Variants in C2orf76 observed in about 807,000 individuals in gnomAD.
C2orf76 encodes the protein chromosome 2 open reading frame 76, also known as UPF0538 protein C2orf76.
In C2orf76, 23 loss-of-function variants were observed where a neutral mutation model predicts 16.9. That is an observed-to-expected ratio of 1.36 (90% CI 0.98 to 1.93). The LOEUF is 1.93. Among genes scored for constraint, C2orf76 ranks in the 30% most tolerant of loss-of-function variants. The pLI is 0.00. For synonymous variants in C2orf76, 48 were observed against 52.3 expected (o/e 0.92, Z 0.35); for missense variants, 152 against 152.6 (o/e 1.00, Z 0.02).
Position 119,311,691 on chromosome 2 carries a change from C to A in C2orf76, c.235G>T (p.Val79Leu). Residue 79 changes from valine to leucine, a missense_variant, in exon 5 of 6, where the codon GTG (valine) becomes TTG (leucine). Transcript: ENST00000334816. Reference protein sequence around the residue: ...QAHKSKTNELVLSLEDDERLL... With the variant: ...QAHKSKTNELLLSLEDDERLL... ...CTTTCGTCATCTTCCAAACTCAACA[C>A]AAGTTCATTTGTCTAAAAAAAAAAA... The A allele has an allele frequency of 6.2e-7, 1 of 1,606,262 alleles. No individual in the cohort carries two copies. The highest frequency in any genetic ancestry group is 8.5e-7 in the Non-Finnish European group (1 of 1,178,844).
chr2:119,347,070 C>T (rs999098014), intron 1 of C2orf76, among the ~76,000 whole-genome samples: 22 of 152,066 alleles, frequency 1.4e-4, no homozygotes, highest in African/African-American at 5.1e-4. Flanking sequence ...GTGTTAAAAC[C>T]ATCAGGTAAG....
intron 2 of C2orf76, among the ~76,000 whole-genome samples, chr2:119,337,607 C>T (rs1679891265): frequency 6.6e-6 from 1 of 152,172 alleles, no homozygotes. Flanking sequence ...CTGTGGCCCA[C>T]CAACCTTTCA....
At position 119,315,454 on chromosome 2, in the gene C2orf76, C is replaced by A. The variant is rs186806061; in HGVS notation, c.222+2012G>T. 5.7e-3 allele frequency among the ~76,000 whole-genome samples: 866 copies of A among 152,228 alleles called. 6 individuals are homozygous for A. Among genetic ancestry groups the A allele is most frequent in the Admixed American group, 0.013 (201 of 15,284 alleles). On this transcript the variant is annotated intron_variant, in intron 4 of 5. Coordinates refer to ENST00000334816, the MANE Select transcript of C2orf76 (RefSeq NM_001322331.2). ...TTGGAACACTAACAGGCCAAGCCAG[C>A]AATGCCACAGGCCCCGCAGATGGGG...
chr2:119,331,691 A>G (rs1016882396), intron 2 of C2orf76, among the ~76,000 whole-genome samples: 2 of 152,196 alleles, frequency 1.3e-5, no homozygotes, highest in African/African-American at 4.8e-5. Flanking sequence ...GCACAATCAT[A>G]GGGGTCACCA....
intron 4 of C2orf76, among the ~76,000 whole-genome samples, chr2:119,316,748 A>C (rs1210784273): frequency 6.6e-6 from 1 of 152,258 alleles, no homozygotes; most frequent in African/African-American, 2.4e-5. Context: ...CTTATTCTTG[A>C]GTAGTTTATA....
At chr2:119,363,791 C>G (rs1361996158) in intron 1 of C2orf76, among the ~76,000 whole-genome samples, 1 of 152,094 alleles carries the variant, frequency 6.6e-6, no homozygotes, top group Admixed American at 6.5e-5. Flanking sequence ...CCTGGGAGGT[C>G]GAGGCAGAGG....
chr2:119,304,557 A>C (rs908069153), intron 5 of C2orf76, among the ~76,000 whole-genome samples: 25 of 152,220 alleles, frequency 1.6e-4, no homozygotes, highest in African/African-American at 6.0e-4. Flanking sequence ...TCTGCAGTGT[A>C]AAGATTTTAT....
chr2:119,357,248 TACTAAA>T (rs775855634), intron 1 of C2orf76, among the ~76,000 whole-genome samples: 1 of 146,358 alleles, frequency 6.8e-6, no homozygotes, highest in Non-Finnish European at 1.5e-5. Flanking sequence ...ACAAAGCCAT[TACTAAA>T]AAAAAGACAA....
chr2:119,302,659 C>A, intron 5 of C2orf76, 111 bp from the exon 6 acceptor site: 1 of 496,818 alleles, frequency 2.0e-6, no homozygotes. Context: ...CTTCAGATGC[C>A]CAAAGTGAAA....
intron 1 of C2orf76, among the ~76,000 whole-genome samples, chr2:119,346,888 T>C (rs546364308): frequency 6.6e-6 from 1 of 152,342 alleles, no homozygotes; most frequent in Admixed American, 6.5e-5. Context: ...AAAATTGGAC[T>C]ATACTCAAGC....
the C2orf76 span, among the ~76,000 whole-genome samples, chr2:119,296,069 T>A: frequency 1.3e-5 from 2 of 152,198 alleles, no homozygotes; most frequent in Admixed American, 1.3e-4. Flanking sequence ...ATTCATTGAA[T>A]AAATATATCT....
upstream of C2orf76, chr2:119,366,896 A>C: frequency 1.0e-6 from 1 of 966,098 alleles, no homozygotes. Context: ...CCCCTAGCGC[A>C]TAGCTGGCTT....
the C2orf76 span, among the ~76,000 whole-genome samples, chr2:119,294,001 A>C: frequency 3.3e-5 from 5 of 152,136 alleles, no homozygotes; most frequent in African/African-American, 1.2e-4. Flanking sequence ...TGGGCTGTGG[A>C]CTGAAATCCG....
intron 4 of C2orf76, among the ~76,000 whole-genome samples, chr2:119,313,160 A>T (rs897084631): frequency 6.6e-6 from 1 of 152,168 alleles, no homozygotes; most frequent in Non-Finnish European, 1.5e-5. Flanking sequence ...TACAGCTGAG[A>T]CAGAGAGTCA....
At chr2:119,309,118 C>T (rs1678892705) in intron 5 of C2orf76, among the ~76,000 whole-genome samples, 2 of 152,130 alleles carry the variant, frequency 1.3e-5, no homozygotes, top group South Asian at 4.1e-4. Flanking sequence ...ATCTAGAGCT[C>T]CTGGCCTCAG....
chr2:119,304,691 T>G (rs1381556808), intron 5 of C2orf76, among the ~76,000 whole-genome samples: 1 of 152,234 alleles, frequency 6.6e-6, no homozygotes, highest in Non-Finnish European at 1.5e-5. Flanking sequence ...AATTAAAATT[T>G]ACTCCAAACA....
intron 1 of C2orf76, among the ~76,000 whole-genome samples, chr2:119,364,417 A>C (rs1680858648): frequency 6.6e-6 from 1 of 152,232 alleles, no homozygotes; most frequent in African/African-American, 2.4e-5. Flanking sequence ...CTTGCACCAG[A>C]GTTCATCTAC....
intron 2 of C2orf76, among the ~76,000 whole-genome samples, chr2:119,332,837 C>T (rs1381475743): frequency 6.6e-6 from 1 of 152,150 alleles, no homozygotes; most frequent in South Asian, 2.1e-4. Context: ...CTCAAGCAAT[C>T]CTCCCATCTC....
At chr2:119,294,574 C>T in the C2orf76 span, among the ~76,000 whole-genome samples, 1 of 152,090 alleles carries the variant, frequency 6.6e-6, no homozygotes, top group Non-Finnish European at 1.5e-5. Flanking sequence ...CTCGCCCACC[C>T]ACACAGGAAG....
Sources: gnomAD v4.1 joint callset for allele counts (sites outside exome capture counted in the v4.1 genomes callset) on GRCh38, gnomAD v4.1.1 for gene constraint, MANE v1.5 for transcripts, NCBI Gene and HGNC (gene_info 2026-07-23, HGNC 2026-07-21) for gene names.